IFT52: variants seen among roughly 807,000 people sequenced by gnomAD.
IFT52 encodes intraflagellar transport 52.
IFT52 carries 44 observed loss-of-function variants against 54.4 expected under a neutral mutation model. The ratio of observed to expected loss-of-function variants is 0.81; its 90% CI spans 0.63 to 1.04. IFT52 has a LOEUF of 1.04. Among genes scored for constraint, IFT52 ranks in the 50% least tolerant of loss-of-function variants. The pLI is 0.00. For synonymous variants in IFT52, 181 were observed against 185.3 expected, an observed-to-expected ratio of 0.98 and a Z score of 0.19; for missense variants, 452 against 523.6, an observed-to-expected ratio of 0.86 and a Z score of 1.33.
intron 10 of IFT52, among the ~76,000 whole-genome samples, chr20:43,632,106 G>A (rs557310088): frequency 1.3e-5 from 2 of 150,518 alleles, no homozygotes; most frequent in East Asian, 2.0e-4. Context: ...TGTATTTTTA[G>A]TAGAGACGGG....
intron 12 of IFT52, among the ~76,000 whole-genome samples, chr20:43,641,214 GT>G (rs1374886163): frequency 3.4e-5 from 5 of 146,616 alleles, no homozygotes; most frequent in Non-Finnish European, 4.6e-5. Flanking sequence ...GTTTTTTGGG[GT>G]TTTGTTTTGT....
At chr20:43,593,145 G>A (rs1239927333) in intron 1 of IFT52, among the ~76,000 whole-genome samples, 1 of 152,060 alleles carries the variant, frequency 6.6e-6, no homozygotes, top group African/African-American at 2.4e-5. Context: ...AAAATTTAAA[G>A]AGAAAAATGA....
At chr20:43,624,117 G>C in intron 10 of IFT52, 72 bp downstream of exon 10, 1 of 1,493,868 alleles carries the variant, frequency 6.7e-7, no homozygotes, top group Non-Finnish European at 9.2e-7. Flanking sequence ...ATGAACCTGG[G>C]AACGGGAATT....
At chr20:43,629,895 A>G (rs1985038452) in intron 10 of IFT52, among the ~76,000 whole-genome samples, 1 of 152,252 alleles carries the variant, frequency 6.6e-6, no homozygotes, top group South Asian at 2.1e-4. Context: ...GCACAGAGAA[A>G]TTAAGTGATT....
rs574788726 is a variant in IFT52 at position 43,609,890 on chromosome 20, C to T, written c.486-3960C>T. ...CTTGAACCCAGGAGGCAGAGGTTGC[C>T]GTGAGCCAAAATCGCACCACTGCAC... On this transcript the variant is annotated intron_variant, in intron 6 of 13. Transcript: ENST00000373030. 1.5e-3 allele frequency among the ~76,000 whole-genome samples: 197 copies of T among 135,124 alleles called. 4 individuals carry two copies. In the Middle Eastern group the frequency reaches 0.024, roughly 16 times the overall value. The allele number at this position is 135,124 out of a possible 152,430, so 88.6% of individuals were successfully genotyped here. A position where few individuals can be genotyped will look rare whatever the true frequency, so the allele number is the denominator to read the frequency against.
chr20:43,635,117 G>A (rs574433357), intron 10 of IFT52, among the ~76,000 whole-genome samples: 43 of 151,404 alleles, frequency 2.8e-4, no homozygotes, highest in South Asian at 2.1e-3. Flanking sequence ...GCAGTGAGCC[G>A]AGATCGCGCC....
At chr20:43,607,849 T>G (rs1276739975) in intron 6 of IFT52, among the ~76,000 whole-genome samples, 1 of 152,162 alleles carries the variant, frequency 6.6e-6, no homozygotes, top group Non-Finnish European at 1.5e-5. Context: ...CACTCCAGCC[T>G]GGGCACCGTT....
chr20:43,611,441 CTTTTTTTTTTTTTTTTTTT>C (rs11469500), intron 6 of IFT52, among the ~76,000 whole-genome samples: 1 of 55,078 alleles, frequency 1.8e-5, no homozygotes, highest in Non-Finnish European at 3.1e-5. Flanking sequence ...AAATGTCAGT[CTTTTTTTTTTTTTTTTTTT>C]TTTTTTTTGG....
chr20:43,613,822 T>A, intron 6 of IFT52, 28 bp from the exon 7 acceptor site: 1 of 1,594,226 alleles, frequency 6.3e-7, no homozygotes, highest in South Asian at 1.1e-5. Flanking sequence ...TTTTTAAAAT[T>A]TGAATGTGTT....
chr20:43,603,085 G>C (rs1181083024), intron 3 of IFT52, among the ~76,000 whole-genome samples: 4 of 152,056 alleles, frequency 2.6e-5, no homozygotes, highest in Non-Finnish European at 4.4e-5. Context: ...GATGAAGAAA[G>C]TTGAGAAACT....
chr20:43,612,494 A>G (rs946843819), intron 6 of IFT52, among the ~76,000 whole-genome samples: 1 of 152,004 alleles, frequency 6.6e-6, no homozygotes, highest in African/African-American at 2.4e-5. Context: ...GGAGTTCAAG[A>G]CCAGCCTGGG....
At chr20:43,619,857 T>C (rs1179559275) in intron 8 of IFT52, among the ~76,000 whole-genome samples, 1 of 151,898 alleles carries the variant, frequency 6.6e-6, no homozygotes, top group Non-Finnish European at 1.5e-5. Context: ...TCTGTGGAAT[T>C]TACATGAAGT....
At chr20:43,643,842 C>G (rs1986076090) in intron 13 of IFT52, among the ~76,000 whole-genome samples, 1 of 58,430 alleles carries the variant, frequency 1.7e-5, no homozygotes, top group Non-Finnish European at 4.1e-5. Flanking sequence ...TGGCCCACAC[C>G]TGTAATCCCA....
intron 10 of IFT52, among the ~76,000 whole-genome samples, chr20:43,629,552 G>A (rs1985016348): frequency 6.6e-6 from 1 of 152,108 alleles, no homozygotes; most frequent in African/African-American, 2.4e-5. Context: ...GATTACAGGC[G>A]TCAGCCACCG....
chr20:43,640,310 A>G (rs1314022309), intron 12 of IFT52, among the ~76,000 whole-genome samples: 4 of 152,058 alleles, frequency 2.6e-5, no homozygotes, highest in Non-Finnish European at 4.4e-5. Flanking sequence ...AAAATAAAAA[A>G]TTAGCCAGGC....
chr20:43,627,064 G>A lies in IFT52; in HGVS notation c.923+3019G>A, dbSNP rs1278012855. Among the ~76,000 whole-genome samples the A allele has an allele frequency of 2.0e-5, 3 of 152,064 alleles. 1 individual carries two copies. In the East Asian group the frequency reaches 5.8e-4, roughly 29 times the overall value. On this transcript the variant is annotated intron_variant, in intron 10 of 13. Coordinates refer to ENST00000373030, the MANE Select transcript of IFT52 (RefSeq NM_016004.5). ...CGCCTGTAGTCCCAGCTACTCGGGA[G>A]GGTAAGGCAGGAGAGTCACTTGAAC...
At chr20:43,628,854 C>CA (rs11086884) in intron 10 of IFT52, among the ~76,000 whole-genome samples, 107,084 of 148,332 alleles carry the variant, frequency 0.72, 38,764 homozygotes, top group East Asian at 0.8. Context: ...GACTCCATCT[C>CA]AAAAAAAAAA....
chr20:43,603,730 A>G (rs1982631841), intron 3 of IFT52, 30 bp from the exon 4 acceptor site: 1 of 1,602,812 alleles, frequency 6.2e-7, no homozygotes, highest in African/African-American at 1.3e-5. Context: ...TTTCAAGTAT[A>G]TTCATAGATT....
chr20:43,598,100 T>C (rs1982142117), intron 3 of IFT52, among the ~76,000 whole-genome samples: 1 of 152,152 alleles, frequency 6.6e-6, no homozygotes, highest in African/African-American at 2.4e-5. Context: ...TGGAATATTA[T>C]TCAATCTTAA....
Sources: gnomAD v4.1 joint callset for allele counts (sites outside exome capture counted in the v4.1 genomes callset) on GRCh38, gnomAD v4.1.1 for gene constraint, MANE v1.5 for transcripts, NCBI Gene and HGNC (gene_info 2026-07-23, HGNC 2026-07-21) for gene names.